The following FSTL4 variants were observed in gnomAD, a reference collection of about 807,000 sequenced individuals.
FSTL4 encodes follistatin-related protein 4.
In FSTL4, 28 loss-of-function variants were observed where a neutral mutation model predicts 78.2. The observed-to-expected ratio is 0.36, with a 90% CI of 0.27 to 0.49. FSTL4 has a LOEUF of 0.49. Ranked by LOEUF, FSTL4 falls within the 20% of genes least tolerant of loss-of-function variation. The pLI is 0.98. For missense variants in FSTL4, 922 were observed against 1,084.9 expected, an observed-to-expected ratio of 0.85 and a Z score of 2.11; for synonymous variants, 422 against 440.5, an observed-to-expected ratio of 0.96 and a Z score of 0.53.
the FSTL4 span, among the ~76,000 whole-genome samples, chr5:133,675,027 A>C: frequency 6.6e-6 from 1 of 151,038 alleles, no homozygotes; most frequent in African/African-American, 2.4e-5. Flanking sequence ...CAAACAAACA[A>C]ACTTAAAAAT....
the FSTL4 span, among the ~76,000 whole-genome samples, chr5:133,710,003 C>T: frequency 6.6e-6 from 1 of 152,306 alleles, no homozygotes; most frequent in African/African-American, 2.4e-5. Context: ...ATGTGTCTTT[C>T]CATGCTCTGC....
At chr5:133,683,364 G>A in the FSTL4 span, among the ~76,000 whole-genome samples, 1 of 151,398 alleles carries the variant, frequency 6.6e-6, no homozygotes, top group Non-Finnish European at 1.5e-5. Context: ...TAGAATTCAT[G>A]AGCTCACATT....
At chr5:133,376,550 A>C (rs996202866) in intron 4 of FSTL4, among the ~76,000 whole-genome samples, 182 of 152,316 alleles carry the variant, frequency 1.2e-3, no homozygotes, top group Non-Finnish European at 2.3e-3. Context: ...TTTAAAAAAA[A>C]CACACACACT....
At chr5:133,451,845 C>T (rs192663159) in intron 3 of FSTL4, among the ~76,000 whole-genome samples, 37 of 152,302 alleles carry the variant, frequency 2.4e-4, no homozygotes, top group Admixed American at 1.7e-3. Context: ...TGTCTGGCAA[C>T]GGATTTGCTG....
At chr5:133,489,060 C>T (rs1466251888) in intron 3 of FSTL4, among the ~76,000 whole-genome samples, 2 of 85,092 alleles carry the variant, frequency 2.4e-5, no homozygotes, top group African/African-American at 3.5e-5. Flanking sequence ...AGATGGTTGA[C>T]TCCTCCTTCC....
chr5:133,828,038 G>A, the FSTL4 span, among the ~76,000 whole-genome samples: 2 of 152,138 alleles, frequency 1.3e-5, no homozygotes, highest in African/African-American at 2.4e-5. Context: ...TGTCCCTGGC[G>A]GCAACATGGA....
At chr5:133,480,437 A>T (rs754116390) in intron 3 of FSTL4, among the ~76,000 whole-genome samples, 12 of 152,226 alleles carry the variant, frequency 7.9e-5, no homozygotes, top group Non-Finnish European at 1.8e-4. Context: ...GCGGCACTGA[A>T]GGTGAGAGGT....
the FSTL4 span, among the ~76,000 whole-genome samples, chr5:133,839,221 C>A: frequency 1.3e-5 from 2 of 152,322 alleles, no homozygotes; most frequent in South Asian, 4.1e-4. Flanking sequence ...TCTCCTGCTG[C>A]CCCACTCAGA....
chr5:133,543,232 T>C (rs540493714), intron 3 of FSTL4, among the ~76,000 whole-genome samples: 18 of 152,144 alleles, frequency 1.2e-4, no homozygotes, highest in South Asian at 6.2e-4. Flanking sequence ...TTTATCTTTT[T>C]GTAGAGACAG....
intron 15 of FSTL4, among the ~76,000 whole-genome samples, chr5:133,201,146 C>A (rs984919656): frequency 1.3e-5 from 2 of 152,146 alleles, no homozygotes; most frequent in Non-Finnish European, 2.9e-5. Flanking sequence ...TGCTTGATGG[C>A]GGATTATAGA....
At chr5:133,758,681 C>T in the FSTL4 span, among the ~76,000 whole-genome samples, 2 of 152,148 alleles carry the variant, frequency 1.3e-5, no homozygotes, top group Non-Finnish European at 2.9e-5. Context: ...TCTATTGCAG[C>T]GTAACAGATT....
At chr5:133,757,671 G>A in the FSTL4 span, among the ~76,000 whole-genome samples, 19 of 152,178 alleles carry the variant, frequency 1.2e-4, no homozygotes, top group Non-Finnish European at 2.6e-4. Context: ...TCAGAGGAGT[G>A]AGTAGAAGGA....
At chr5:133,316,770 G>A (rs1753915668) in intron 4 of FSTL4, 118 bp from the exon 5 acceptor site, 1 of 743,450 alleles carries the variant, frequency 1.3e-6, no homozygotes, top group Non-Finnish European at 2.2e-6. Flanking sequence ...ACTATGTGCA[G>A]TGCACGGTGC....
At chr5:133,830,717 C>T in the FSTL4 span, among the ~76,000 whole-genome samples, 1 of 152,206 alleles carries the variant, frequency 6.6e-6, no homozygotes, top group Admixed American at 6.5e-5. Flanking sequence ...CTCCCTGCTC[C>T]GTGCTGCTCT....
At chr5:133,322,994 T>C (rs890391824) in intron 4 of FSTL4, among the ~76,000 whole-genome samples, 6 of 152,148 alleles carry the variant, frequency 3.9e-5, no homozygotes, top group Non-Finnish European at 7.4e-5. Context: ...ATGAAATGCT[T>C]GTTGAATGAG....
At chr5:133,323,227 A>G (rs1299623142) in intron 4 of FSTL4, among the ~76,000 whole-genome samples, 1 of 152,200 alleles carries the variant, frequency 6.6e-6, no homozygotes, top group Non-Finnish European at 1.5e-5. Context: ...GTGAGACCTT[A>G]GGAAAGGCAT....
chr5:133,528,862 T>A (rs1759191037), intron 3 of FSTL4, among the ~76,000 whole-genome samples: 1 of 152,254 alleles, frequency 6.6e-6, no homozygotes, highest in Non-Finnish European at 1.5e-5. Flanking sequence ...CCTGTTCTTG[T>A]TTGGACACAG....
At chr5:133,831,072 C>A in the FSTL4 span, among the ~76,000 whole-genome samples, 2 of 152,024 alleles carry the variant, frequency 1.3e-5, no homozygotes. Flanking sequence ...TTGTTTCTGC[C>A]CTGGTGTTGT....
the FSTL4 span, among the ~76,000 whole-genome samples, chr5:133,678,742 G>A: frequency 6.6e-6 from 1 of 152,150 alleles, no homozygotes; most frequent in African/African-American, 2.4e-5. Context: ...CGTCTAGCTG[G>A]TATTTAAACC....
Sources: allele counts gnomAD v4.1 joint callset (sites outside exome capture counted in the v4.1 genomes callset), GRCh38; gene constraint gnomAD v4.1.1; transcripts MANE v1.5; gene names NCBI Gene and HGNC (gene_info 2026-07-23, HGNC 2026-07-21).